Variants in APPBP2 observed in about 807,000 individuals in gnomAD.
APPBP2 encodes the protein amyloid beta precursor protein binding protein 2.
APPBP2 carries 15 observed loss-of-function variants against 76.0 expected under a neutral mutation model. The observed-to-expected ratio is 0.20, with a 90% CI of 0.13 to 0.30. The LOEUF is 0.30. APPBP2 is among the 10% of genes least tolerant of loss of function. The pLI, the probability that APPBP2 is intolerant of heterozygous loss-of-function variation, is 1.00. For missense variants in APPBP2, 401 were observed against 687.2 expected (o/e 0.58, Z 4.66); for synonymous variants, 222 against 242.2 (o/e 0.92, Z 0.77).
chr17:60,477,953 G>A (rs376704748), intron 4 of APPBP2, among the ~76,000 whole-genome samples: 53 of 151,718 alleles, frequency 3.5e-4, no homozygotes, highest in African/African-American at 1.2e-3. Flanking sequence ...CAGACTGGGC[G>A]ATACAGCAAA....
chr17:60,495,088 G>A (rs562378583), intron 2 of APPBP2, among the ~76,000 whole-genome samples: 194 of 150,406 alleles, frequency 1.3e-3, no homozygotes, highest in African/African-American at 4.3e-3. Flanking sequence ...TGGTTCAAGC[G>A]ATTCTCCCGC....
chr17:60,460,000 T>C (rs1180476874), intron 9 of APPBP2: 4 of 152,224 alleles, frequency 2.6e-5, no homozygotes, highest in East Asian at 1.9e-4. Context: ...CAAGCTCAGT[T>C]ATATATTTAA....
intron 11 of APPBP2, among the ~76,000 whole-genome samples, chr17:60,453,342 C>A (rs1002854969): frequency 1.6e-4 from 24 of 150,926 alleles, no homozygotes; most frequent in African/African-American, 5.4e-4. Flanking sequence ...TGCCACCATG[C>A]CTGGCTAATT....
intron 4 of APPBP2, among the ~76,000 whole-genome samples, chr17:60,475,661 A>G (rs1004412162): frequency 1.4e-5 from 2 of 145,804 alleles, no homozygotes; most frequent in African/African-American, 5.1e-5. Flanking sequence ...ACACACACAC[A>G]CACACACACA....
chr17:60,452,873 G>A (rs960367963), intron 11 of APPBP2, among the ~76,000 whole-genome samples: 1 of 152,198 alleles, frequency 6.6e-6, no homozygotes, highest in Admixed American at 6.5e-5. Context: ...GGTTGAGGCT[G>A]TAGTGAGCCA....
intron 10 of APPBP2, among the ~76,000 whole-genome samples, chr17:60,455,456 T>C (rs1216270277): frequency 1.3e-5 from 2 of 152,158 alleles, no homozygotes; most frequent in South Asian, 2.1e-4. Context: ...ATATCCAACA[T>C]GCACGGAAAT....
chr17:60,475,155 G>A (rs901219720), intron 4 of APPBP2, among the ~76,000 whole-genome samples: 1 of 152,026 alleles, frequency 6.6e-6, no homozygotes, highest in Non-Finnish European at 1.5e-5. Flanking sequence ...ATTTAAACCT[G>A]GGAGGTGGAG....
intron 1 of APPBP2, among the ~76,000 whole-genome samples, chr17:60,516,209 G>C (rs1377502085): frequency 6.6e-6 from 1 of 151,958 alleles, no homozygotes; most frequent in Non-Finnish European, 1.5e-5. Flanking sequence ...CCAGATGAGA[G>C]TGGTGGTATC....
intron 4 of APPBP2, among the ~76,000 whole-genome samples, chr17:60,477,215 T>A (rs902523057): frequency 1.3e-5 from 2 of 152,188 alleles, no homozygotes; most frequent in African/African-American, 2.4e-5. Flanking sequence ...GACTGACTTG[T>A]CTTGTGAGAA....
At chr17:60,494,986 T>G (rs1005281509) in intron 2 of APPBP2, among the ~76,000 whole-genome samples, 1 of 125,172 alleles carries the variant, frequency 8.0e-6, no homozygotes, top group South Asian at 2.2e-4. Flanking sequence ...TTTGTTTTGT[T>G]TTTTTTTTTT....
intron 10 of APPBP2, among the ~76,000 whole-genome samples, chr17:60,455,158 T>C (rs1426130471): frequency 6.6e-6 from 1 of 151,860 alleles, no homozygotes; most frequent in Non-Finnish European, 1.5e-5. Flanking sequence ...AGTCAAATAA[T>C]AAAGGTAAGG....
chr17:60,512,108 A>ATTT (rs201848782), intron 1 of APPBP2, among the ~76,000 whole-genome samples: 24 of 146,404 alleles, frequency 1.6e-4, no homozygotes, highest in African/African-American at 6.5e-4. Context: ...TATTATTATT[A>ATTT]TTTTCTTTTT....
At chr17:60,494,984 G>GTTTTTTTTTTTT (rs60043373) in intron 2 of APPBP2, among the ~76,000 whole-genome samples, 5 of 107,040 alleles carry the variant, frequency 4.7e-5, no homozygotes, top group East Asian at 2.4e-4. Context: ...GTTTTGTTTT[G>GTTTTTTTTTTTT]TTTTTTTTTT....
chr17:60,452,417 C>T (rs2090401797), intron 11 of APPBP2, among the ~76,000 whole-genome samples: 1 of 152,172 alleles, frequency 6.6e-6, no homozygotes, highest in Non-Finnish European at 1.5e-5. Flanking sequence ...ACAGTTAACA[C>T]AGTCCAAAAT....
intron 4 of APPBP2, among the ~76,000 whole-genome samples, chr17:60,475,720 G>A (rs915293136): frequency 3.3e-5 from 5 of 149,586 alleles, no homozygotes; most frequent in African/African-American, 1.2e-4. Flanking sequence ...CAGTCCAGTA[G>A]TTCAAGAAGT....
In APPBP2 at chr17:60,494,491, T is replaced by C; in HGVS notation, c.354A>G (p.Lys118=). Residue 118 remains lysine, a synonymous_variant, in exon 3 of 13, where the codon AAA becomes AAG. Transcript: ENST00000083182. ...IAESDAAVKE[K]AIQVGFVLGG... The stretch of plus-strand genomic sequence containing the variant: ...CTAAAACAAAGCCAACCTGAATGGC[T>C]TTTTCCTTTACTGCAGCATCTGATT... 1.2e-6 allele frequency: 2 copies of C among 1,609,920 alleles called. No individual in the cohort carries two copies. Among genetic ancestry groups the C allele is most frequent in the Admixed American group, 1.7e-5 (1 of 58,488 alleles).
At chr17:60,502,394 T>TA (rs1227022303) in intron 1 of APPBP2, among the ~76,000 whole-genome samples, 1 of 152,218 alleles carries the variant, frequency 6.6e-6, no homozygotes, top group African/African-American at 2.4e-5. Context: ...ACCACATTCT[T>TA]ATAACATGGG....
chr17:60,485,376 C>T (rs537248176), intron 3 of APPBP2, among the ~76,000 whole-genome samples: 75 of 152,222 alleles, frequency 4.9e-4, no homozygotes, highest in Non-Finnish European at 6.6e-4. Flanking sequence ...GCCTCAATTC[C>T]GGAGCCTGTT....
At chr17:60,525,746 C>A (rs1410123910) in intron 1 of APPBP2, 48 bp downstream of exon 1, 2 of 1,607,906 alleles carry the variant, frequency 1.2e-6, no homozygotes, top group Non-Finnish European at 1.7e-6. Flanking sequence ...GGGGGTGCGG[C>A]CCCCGGGGTT....
Sources: gnomAD v4.1 joint callset for allele counts (sites outside exome capture counted in the v4.1 genomes callset) on GRCh38, gnomAD v4.1.1 for gene constraint, MANE v1.5 for transcripts, NCBI Gene and HGNC (gene_info 2026-07-23, HGNC 2026-07-21) for gene names.